BTBD9: variants seen among roughly 807,000 people sequenced by gnomAD.
BTBD9 encodes BTB domain containing 9.
A neutral mutation model predicts 64.3 loss-of-function variants in BTBD9; 49 were observed. That is an observed-to-expected ratio of 0.76 (90% CI 0.61 to 0.97). The LOEUF is 0.97. BTBD9 is among the 50% of genes least tolerant of loss of function. The pLI, the probability that BTBD9 is intolerant of heterozygous loss-of-function variation, is 0.00. For missense variants in BTBD9, 598 were observed against 762.1 expected (o/e 0.78, Z 2.53); for synonymous variants, 260 against 274.7 (o/e 0.95, Z 0.53).
intron 6 of BTBD9, among the ~76,000 whole-genome samples, chr6:38,349,985 G>A (rs529961866): frequency 2.3e-4 from 35 of 152,250 alleles, no homozygotes; most frequent in African/African-American, 7.9e-4. Context: ...GCCCATATTT[G>A]GGTTTAAAGT....
intron 9 of BTBD9, among the ~76,000 whole-genome samples, chr6:38,200,301 C>T (rs539187954): frequency 2.6e-5 from 4 of 152,228 alleles, no homozygotes; most frequent in African/African-American, 9.6e-5. Context: ...GATTTAAGCC[C>T]CTATATACAA....
In BTBD9 at chr6:38,256,484, T is replaced by C. The variant is rs201558893; in HGVS notation, c.1487A>G (p.Tyr496Cys). 1 of 1,613,990 alleles carries C rather than the reference T, an allele frequency of 6.2e-7. No homozygotes were observed. Among genetic ancestry groups the C allele is most frequent in the Non-Finnish European group, 8.5e-7 (1 of 1,179,844 alleles). Residue 496 changes from tyrosine to cysteine, a missense_variant, in exon 9 of 11, where the codon TAT (tyrosine) becomes TGT (cysteine). Transcript: ENST00000481247. ...LLLWDCDDRS[Y>C]SYYVEVSTNQ... ...GGTAGAAACCTCAACGTAGTAGCTA[T>C]AGCTTCGATCATCACAATCCCAAAG...
intron 5 of BTBD9, among the ~76,000 whole-genome samples, chr6:38,579,447 T>C (rs893708775): frequency 1.3e-5 from 2 of 152,254 alleles, no homozygotes; most frequent in Admixed American, 6.5e-5. Flanking sequence ...TCACTCATAC[T>C]GCTCTGGTAC....
chr6:38,443,223 C>T (rs983360403), intron 6 of BTBD9, among the ~76,000 whole-genome samples: 6 of 152,176 alleles, frequency 3.9e-5, no homozygotes, highest in African/African-American at 1.4e-4. Flanking sequence ...TCAACAGAGA[C>T]TGAAACCCTG....
chr6:38,611,008 A>C (rs1777601840), intron 1 of BTBD9, among the ~76,000 whole-genome samples: 1 of 152,120 alleles, frequency 6.6e-6, no homozygotes, highest in Admixed American at 6.5e-5. Context: ...AATGGAATAG[A>C]TCTATATGTT....
chr6:38,523,168 G>A (rs893067274), intron 6 of BTBD9, among the ~76,000 whole-genome samples: 5 of 152,106 alleles, frequency 3.3e-5, no homozygotes, highest in African/African-American at 1.2e-4. Context: ...GGGTGACAGA[G>A]CAGGACTTCG....
At chr6:38,465,290 C>A (rs542750018) in intron 6 of BTBD9, among the ~76,000 whole-genome samples, 2 of 150,410 alleles carry the variant, frequency 1.3e-5, no homozygotes, top group African/African-American at 4.9e-5. Flanking sequence ...TAGAGACTGT[C>A]GCAAAAAAAC....
chr6:38,414,632 T>G lies in BTBD9; in HGVS notation c.1155-69539A>C, dbSNP rs1767584577. On this transcript the variant is annotated intron_variant, in intron 6 of 10. Coordinates refer to ENST00000481247, the MANE Select transcript of BTBD9 (RefSeq NM_001099272.2). ...TTGGTCTTCCACCCCCACTACTCCA[T>G]GGGATCTGTTCAGATATTTTTCAGC... is the stretch of plus-strand genomic sequence containing the variant. Among the ~76,000 whole-genome samples the G allele has an allele frequency of 2.0e-5, 3 of 152,168 alleles. 1 individual carries two copies. In the South Asian group the frequency reaches 6.2e-4, roughly 32 times the overall value.
intron 6 of BTBD9, among the ~76,000 whole-genome samples, chr6:38,411,073 A>G (rs1178866061): frequency 6.6e-6 from 1 of 152,102 alleles, no homozygotes; most frequent in Non-Finnish European, 1.5e-5. Context: ...AACATGCATA[A>G]AAAAGAACAT....
rs556096267 is a variant in BTBD9 at position 38,291,824 on chromosome 6, C to T, written c.1265-3363G>A. On this transcript the variant is annotated intron_variant, in intron 7 of 10. Transcript: ENST00000481247. ...TGATTTGCGTATGTTGAACCAGCCTCGCATCCCAGGGATGAAGCTGACTTG... is the reference window on the plus strand; with the variant it reads ...TGATTTGCGTATGTTGAACCAGCCTTGCATCCCAGGGATGAAGCTGACTTG... Among the ~76,000 whole-genome samples, 19 of 152,202 alleles carry T rather than the reference C, an allele frequency of 1.2e-4. No homozygotes were observed. The South Asian group carries it at 2.7e-3, about 22-fold the overall frequency.
intron 6 of BTBD9, among the ~76,000 whole-genome samples, chr6:38,480,917 T>C (rs1264357150): frequency 6.6e-6 from 1 of 152,150 alleles, no homozygotes; most frequent in Non-Finnish European, 1.5e-5. Context: ...CTGTGCAAAA[T>C]CCTCATGGGG....
Position 38,328,585 on chromosome 6 carries a change from G to A in BTBD9, c.1264+16399C>T, listed in dbSNP as rs1050452594. Among the ~76,000 whole-genome samples, 10 of 151,208 alleles carry A rather than the reference G, an allele frequency of 6.6e-5. No individual in the cohort carries two copies. In the East Asian group the frequency reaches 2.0e-3, roughly 30 times the overall value. ...CCACCGTGTGTGTGTGTGTGTGTGT[G>A]TGTGTGTGTGTGTGTGTGTGTGTGT... On this transcript the variant is annotated intron_variant, in intron 7 of 10. Transcript: ENST00000481247.
chr6:38,510,173 G>A (rs532332497), intron 6 of BTBD9, among the ~76,000 whole-genome samples: 3 of 152,278 alleles, frequency 2.0e-5, no homozygotes, highest in East Asian at 1.9e-4. Flanking sequence ...TCATCATGGC[G>A]TGAACATCAT....
intron 6 of BTBD9, among the ~76,000 whole-genome samples, chr6:38,484,920 A>G (rs1295638266): frequency 1.3e-5 from 2 of 152,180 alleles, no homozygotes; most frequent in Non-Finnish European, 2.9e-5. Context: ...TAAGACAATG[A>G]TGAAGTCTGC....
intron 6 of BTBD9, among the ~76,000 whole-genome samples, chr6:38,388,266 C>T (rs2127620255): frequency 6.6e-6 from 1 of 150,738 alleles, no homozygotes; most frequent in East Asian, 2.0e-4. Context: ...CTTTGAGGTT[C>T]ACAGTTTAAC....
chr6:38,315,430 T>G (rs894799905), intron 7 of BTBD9, among the ~76,000 whole-genome samples: 2 of 152,300 alleles, frequency 1.3e-5, no homozygotes, highest in African/African-American at 4.8e-5. Context: ...AGCTATAAAC[T>G]TCTCTTTTAG....
At chr6:38,231,114 G>A (rs1004466983) in intron 9 of BTBD9, among the ~76,000 whole-genome samples, 1 of 152,168 alleles carries the variant, frequency 6.6e-6, no homozygotes, top group Non-Finnish European at 1.5e-5. Flanking sequence ...TTATAGAATT[G>A]GGAGAAATCA....
chr6:38,288,177 T>C, intron 8 of BTBD9, 95 bp downstream of exon 8: 1 of 1,272,868 alleles, frequency 7.9e-7, no homozygotes, highest in Non-Finnish European at 1.1e-6. Flanking sequence ...GTAGAATTTC[T>C]TCACTGAAGT....
chr6:38,210,899 A>G (rs1169836988), intron 9 of BTBD9, among the ~76,000 whole-genome samples: 1 of 152,258 alleles, frequency 6.6e-6, no homozygotes, highest in Admixed American at 6.5e-5. Flanking sequence ...TCTTGAACAC[A>G]CTGCTACACA....
Sources: allele counts gnomAD v4.1 joint callset (sites outside exome capture counted in the v4.1 genomes callset), GRCh38; gene constraint gnomAD v4.1.1; transcripts MANE v1.5; gene names NCBI Gene and HGNC (gene_info 2026-07-23, HGNC 2026-07-21).